COL22A1: variants seen among roughly 807,000 people sequenced by gnomAD.
The protein encoded by COL22A1 is collagen type XXII alpha 1 chain.
A neutral mutation model predicts 248.9 loss-of-function variants in COL22A1; 221 were observed. That is an observed-to-expected ratio of 0.89 (90% CI 0.80 to 0.99). The LOEUF (loss-of-function observed/expected upper bound fraction) is 0.99. Among genes scored for constraint, COL22A1 ranks in the 50% least tolerant of loss-of-function variants. COL22A1 has a pLI of 0.00. For synonymous variants in COL22A1, 891 were observed against 793.4 expected, an observed-to-expected ratio of 1.12 and a Z score of -2.07; for missense variants, 2,240 against 2,179.0, an observed-to-expected ratio of 1.03 and a Z score of -0.56.
intron 46 of COL22A1, among the ~76,000 whole-genome samples, chr8:138,649,145 A>G (rs931221617): frequency 6.6e-6 from 1 of 152,106 alleles, no homozygotes; most frequent in Non-Finnish European, 1.5e-5. Flanking sequence ...CAGACCATGA[A>G]CTCCTTTAGA....
At chr8:138,783,649 A>G (rs1351122476) in intron 12 of COL22A1, among the ~76,000 whole-genome samples, 4 of 152,212 alleles carry the variant, frequency 2.6e-5, no homozygotes, top group African/African-American at 9.6e-5. Flanking sequence ...AATACTTTGT[A>G]TCCTTCAGTC....
At chr8:138,600,153 G>A (rs2131824696) in intron 60 of COL22A1, among the ~76,000 whole-genome samples, 1 of 152,338 alleles carries the variant, frequency 6.6e-6, no homozygotes, top group Non-Finnish European at 1.5e-5. Flanking sequence ...GGCAAGCCCA[G>A]GGCAGTCCAG....
intron 12 of COL22A1, among the ~76,000 whole-genome samples, chr8:138,794,781 C>T (rs1370546501): frequency 6.6e-6 from 1 of 152,090 alleles, no homozygotes; most frequent in Non-Finnish European, 1.5e-5. Flanking sequence ...ATCTGGAGGA[C>T]ATTATGCTAA....
At chr8:138,835,862 T>C (rs1478548366) in intron 4 of COL22A1, among the ~76,000 whole-genome samples, 2 of 152,228 alleles carry the variant, frequency 1.3e-5, no homozygotes, top group Admixed American at 1.3e-4. Context: ...GTAAGGGCTA[T>C]GATAACAATT....
chr8:138,758,412 G>GT (rs1239822795), intron 18 of COL22A1, among the ~76,000 whole-genome samples: 1 of 152,160 alleles, frequency 6.6e-6, no homozygotes, highest in Non-Finnish European at 1.5e-5. Context: ...ACAGCGGTAG[G>GT]TAACTAGTGC....
intron 44 of COL22A1, among the ~76,000 whole-genome samples, chr8:138,656,732 ACTTTGC>A (rs2130630401): frequency 6.6e-6 from 1 of 152,366 alleles, no homozygotes; most frequent in South Asian, 2.1e-4. Context: ...CTGGTGTGCT[ACTTTGC>A]AAAATTCTAA....
intron 39 of COL22A1, 122 bp from the exon 40 acceptor site, chr8:138,679,798 T>C: frequency 1.1e-6 from 1 of 894,240 alleles, no homozygotes; most frequent in Non-Finnish European, 1.8e-6. Context: ...GTGTCCAGAT[T>C]AGGGTCTGGC....
chr8:138,845,285 G>C (rs1379107478), intron 3 of COL22A1, among the ~76,000 whole-genome samples: 11 of 152,008 alleles, frequency 7.2e-5, no homozygotes, highest in Admixed American at 1.3e-4. Context: ...GACGGGGGGG[G>C]ATCACCTGAG....
chr8:138,604,684 C>T, intron 59 of COL22A1, 50 bp downstream of exon 59: 1 of 1,551,330 alleles, frequency 6.4e-7, no homozygotes, highest in Non-Finnish European at 8.9e-7. Flanking sequence ...CATAGACTGC[C>T]CATTGGTGGT....
intron 46 of COL22A1, among the ~76,000 whole-genome samples, 194 bp from the exon 47 acceptor site, chr8:138,646,876 C>A (rs2130513308): frequency 6.6e-6 from 1 of 152,278 alleles, no homozygotes; most frequent in South Asian, 2.1e-4. Context: ...GGCTGTGCAA[C>A]CATGGCATGA....
intron 3 of COL22A1, among the ~76,000 whole-genome samples, chr8:138,863,723 G>T (rs73351938): frequency 6.6e-6 from 1 of 151,972 alleles, no homozygotes; most frequent in African/African-American, 2.4e-5. Flanking sequence ...GCCTTCTCTG[G>T]GCTCTGGTTA....
rs557535925 is a variant in COL22A1 at position 138,716,162 on chromosome 8, G to A, written c.2463+65C>T. The A allele has an allele frequency of 3.1e-6, 4 of 1,281,542 alleles. No homozygotes were observed. In the African/African-American group the frequency reaches 4.5e-5, roughly 14 times the overall value. The allele number at this position is 1,281,542 out of a possible 1,614,324, so 79.4% of individuals were successfully genotyped here. On this transcript the variant is annotated intron_variant, in intron 29 of 64. Transcript: ENST00000303045. ...TGTCCCGAGGGACTGAGACTCCACA[G>A]GGGGCTGCTCTCTGTGGAGATGGGC...
In COL22A1 at chr8:138,726,242, A is replaced by G. The variant is rs189869098; in HGVS notation, c.2140-802T>C. 9.1e-4 allele frequency among the ~76,000 whole-genome samples: 139 copies of G among 152,218 alleles called. 2 individuals are homozygous for G. The Middle Eastern group carries it at 0.01, about 11-fold the overall frequency. ...CATGGTGGCTCACAACTGTAATCAC[A>G]GGACTTTGGAAGGCTGAGGCAAAAG... is the stretch of plus-strand genomic sequence containing the variant. On this transcript the variant is annotated intron_variant, in intron 23 of 64. Coordinates refer to ENST00000303045, the MANE Select transcript of COL22A1 (RefSeq NM_152888.3).
intron 32 of COL22A1, among the ~76,000 whole-genome samples, chr8:138,699,147 T>A (rs1212572339): frequency 2.0e-5 from 3 of 152,080 alleles, no homozygotes; most frequent in Non-Finnish European, 4.4e-5. Flanking sequence ...ACCTGCTCTT[T>A]CCCGCAGACG....
In COL22A1 at chr8:138,597,918, T is replaced by C. The variant is rs141119745; in HGVS notation, c.4365+801A>G. ...GCTGCCTGGCGTCTTTCAGGGCACC[T>C]GAAACCCAGGCTGACCACAGCCACC... On this transcript the variant is annotated intron_variant, in intron 61 of 64. Coordinates refer to ENST00000303045, the MANE Select transcript of COL22A1 (RefSeq NM_152888.3). Among the ~76,000 whole-genome samples the C allele has an allele frequency of 4.2e-3, 634 of 152,240 alleles. 3 individuals are homozygous for C. Among genetic ancestry groups the C allele is most frequent in the African/African-American group, 0.014 (568 of 41,550 alleles).
chr8:138,845,279 G>GACT (rs1563837059), intron 3 of COL22A1, among the ~76,000 whole-genome samples: 14 of 131,106 alleles, frequency 1.1e-4, no homozygotes, highest in Admixed American at 4.8e-4. Context: ...GGCCAAGACG[G>GACT]GGGGGGATCA....
intron 22 of COL22A1, among the ~76,000 whole-genome samples, chr8:138,743,230 G>A (rs111066383): frequency 0.2 from 29,401 of 147,786 alleles, 3,490 homozygotes; most frequent in African/African-American, 0.31. Flanking sequence ...TAGTAGTAGC[G>A]ATTGTGATGG....
At chr8:138,908,995 G>T (rs1400238145) in intron 1 of COL22A1, among the ~76,000 whole-genome samples, 7 of 152,196 alleles carry the variant, frequency 4.6e-5, no homozygotes, top group African/African-American at 1.7e-4. Flanking sequence ...AAAGGTAATA[G>T]AATCCAGTCA....
At chr8:138,679,217 TATAA>T (rs1405089454) in intron 40 of COL22A1, among the ~76,000 whole-genome samples, 1 of 152,248 alleles carries the variant, frequency 6.6e-6, no homozygotes, top group Non-Finnish European at 1.5e-5. Context: ...ACTAAACACA[TATAA>T]ATGTCAGATA....
Sources: allele counts gnomAD v4.1 joint callset (sites outside exome capture counted in the v4.1 genomes callset), GRCh38; gene constraint gnomAD v4.1.1; transcripts MANE v1.5; gene names NCBI Gene and HGNC (gene_info 2026-07-23, HGNC 2026-07-21).